Variants in CEPT1 observed in about 807,000 individuals in gnomAD.
CEPT1 encodes choline/ethanolamine phosphotransferase 1.
CEPT1 carries 7 observed loss-of-function variants against 42.6 expected under a neutral mutation model. The observed-to-expected ratio is 0.16, with a 90% CI of 0.09 to 0.31. The LOEUF (loss-of-function observed/expected upper bound fraction) is 0.31, where lower values mean the gene tolerates loss of function less well. CEPT1 is among the 10% of genes least tolerant of loss of function. The pLI is 1.00. For synonymous variants in CEPT1, 171 were observed against 171.9 expected (o/e 0.99, Z 0.04); for missense variants, 306 against 502.1 (o/e 0.61, Z 3.73).
At chr1:111,152,685 G>C (rs1655344930) in intron 2 of CEPT1, among the ~76,000 whole-genome samples, 2 of 152,180 alleles carry the variant, frequency 1.3e-5, no homozygotes, top group Non-Finnish European at 2.9e-5. Context: ...TGATGAATTG[G>C]AGAGAGCTGT....
At chr1:111,181,581 A>G (rs1158250192) in intron 5 of CEPT1, 1 of 152,228 alleles carries the variant, frequency 6.6e-6, no homozygotes, top group Admixed American at 6.5e-5. Context: ...GTTTGAATGT[A>G]CTTGACCTGT....
chr1:111,154,848 G>A (rs1655473090), intron 2 of CEPT1, among the ~76,000 whole-genome samples: 1 of 152,168 alleles, frequency 6.6e-6, no homozygotes, highest in South Asian at 2.1e-4. Flanking sequence ...CCTTCATCAT[G>A]TTGAATAATC....
chr1:111,148,637 G>A (rs1413806235), intron 2 of CEPT1, among the ~76,000 whole-genome samples: 1 of 152,192 alleles, frequency 6.6e-6, no homozygotes, highest in African/African-American at 2.4e-5. Flanking sequence ...AAGGATGCAT[G>A]CTATTGCTTA....
intron 4 of CEPT1, 109 bp from the exon 5 acceptor site, chr1:111,174,770 A>ATTTTTTTTTT: frequency 1.8e-6 from 1 of 566,348 alleles, no homozygotes; most frequent in Non-Finnish European, 3.1e-6. Flanking sequence ...AATATTTGAG[A>ATTTTTTTTTT]TTTTTTTTTT....
chr1:111,150,694 G>A (rs1655224481), intron 2 of CEPT1, among the ~76,000 whole-genome samples: 1 of 152,112 alleles, frequency 6.6e-6, no homozygotes. Flanking sequence ...CTGGTAGAAA[G>A]GAAGGTCATT....
chr1:111,139,771 G>A (rs1008403748), upstream of CEPT1: 1 of 152,474 alleles, frequency 6.6e-6, no homozygotes, highest in Non-Finnish European at 1.5e-5. Context: ...GGTAGGGCAC[G>A]GGGAGCTGAG....
chr1:111,167,680 TTGG>T, intron 4 of CEPT1: 1 of 982,022 alleles, frequency 1.0e-6, no homozygotes, highest in Non-Finnish European at 1.2e-6. Context: ...TACAGCAGTC[TTGG>T]TGTTGTATAA....
At chr1:111,175,256 C>G (rs181652834) in intron 5 of CEPT1, among the ~76,000 whole-genome samples, 43 of 152,194 alleles carry the variant, frequency 2.8e-4, no homozygotes, top group African/African-American at 9.9e-4. Flanking sequence ...TAACCAGTGA[C>G]AAGATTAAAT....
chr1:111,152,393 C>A (rs1371486542), intron 2 of CEPT1, among the ~76,000 whole-genome samples: 2 of 152,146 alleles, frequency 1.3e-5, no homozygotes, highest in Non-Finnish European at 2.9e-5. Context: ...GTAAAATCTT[C>A]CCTTTTTTAT....
chr1:111,165,984 G>C (rs1403099167), intron 4 of CEPT1, among the ~76,000 whole-genome samples: 1 of 152,080 alleles, frequency 6.6e-6, no homozygotes, highest in Non-Finnish European at 1.5e-5. Context: ...ATTCAGAATT[G>C]GGAAACTTTC....
chr1:111,171,165 C>G (rs993868812), intron 4 of CEPT1, among the ~76,000 whole-genome samples: 1 of 152,184 alleles, frequency 6.6e-6, no homozygotes, highest in African/African-American at 2.4e-5. Flanking sequence ...AAACCAAATG[C>G]ATTTGTCAGG....
chr1:111,165,941 GTTGT>G (rs1259784650), intron 4 of CEPT1, among the ~76,000 whole-genome samples: 1 of 152,150 alleles, frequency 6.6e-6, no homozygotes, highest in Non-Finnish European at 1.5e-5. Context: ...ATAAAAAACT[GTTGT>G]TTGTTAATGT....
At chr1:111,167,463 A>G (rs971738091) in intron 4 of CEPT1, 24 of 861,578 alleles carry the variant, frequency 2.8e-5, no homozygotes, top group South Asian at 2.7e-4. Context: ...TTTTTATTCT[A>G]TGTACTATTT....
chr1:111,142,242 A>G (rs1449673122), intron 1 of CEPT1, among the ~76,000 whole-genome samples: 1 of 152,226 alleles, frequency 6.6e-6, no homozygotes, highest in Non-Finnish European at 1.5e-5. Context: ...GATTTTCCAC[A>G]TAAATATTTA....
chr1:111,173,568 T>C (rs1461059216), intron 4 of CEPT1, among the ~76,000 whole-genome samples: 2 of 152,192 alleles, frequency 1.3e-5, no homozygotes, highest in African/African-American at 2.4e-5. Context: ...ACTTTTAGAC[T>C]AATTACTTTT....
At chr1:111,159,601 A>G (rs776173141) in intron 3 of CEPT1, 74 bp downstream of exon 3, 3 of 1,099,692 alleles carry the variant, frequency 2.7e-6, no homozygotes, top group South Asian at 1.8e-5. Context: ...GTTAGAATAC[A>G]TGTTTAGTCA....
chr1:111,163,677 A>G (rs1000707370), intron 4 of CEPT1, among the ~76,000 whole-genome samples: 1 of 152,144 alleles, frequency 6.6e-6, no homozygotes, highest in East Asian at 1.9e-4. Context: ...AATGTAATGG[A>G]GGCATATAGA....
chr1:111,169,694 CT>C (rs767455778), intron 4 of CEPT1, among the ~76,000 whole-genome samples: 59 of 152,044 alleles, frequency 3.9e-4, no homozygotes, highest in African/African-American at 1.2e-3. Flanking sequence ...GTCAAATATA[CT>C]TTTTTTATGA....
intron 4 of CEPT1, among the ~76,000 whole-genome samples, chr1:111,162,269 G>T (rs972560823): frequency 9.2e-5 from 14 of 152,248 alleles, no homozygotes; most frequent in African/African-American, 3.4e-4. Flanking sequence ...GAAGCAAGGA[G>T]ACCCGTTAGA....
Sources: gnomAD v4.1 joint callset for allele counts (sites outside exome capture counted in the v4.1 genomes callset) on GRCh38, gnomAD v4.1.1 for gene constraint, MANE v1.5 for transcripts, NCBI Gene and HGNC (gene_info 2026-07-23, HGNC 2026-07-21) for gene names.